UBR1: variants seen among roughly 807,000 people sequenced by gnomAD.
UBR1 encodes ubiquitin protein ligase E3 component n-recognin 1.
Under a neutral mutation model 242.1 loss-of-function variants are expected in UBR1, and 102 were observed. The observed-to-expected ratio is 0.42, with a 90% CI of 0.36 to 0.50. UBR1 has a LOEUF of 0.50. UBR1 is among the 20% of genes least tolerant of loss of function. UBR1 has a pLI of 0.01. For missense variants in UBR1, 1,772 were observed against 2,101.8 expected (o/e 0.84, Z 3.07); for synonymous variants, 675 against 684.8 (o/e 0.99, Z 0.22).
chr15:42,981,405 T>C (rs114966788), intron 37 of UBR1, among the ~76,000 whole-genome samples: 2 of 152,210 alleles, frequency 1.3e-5, no homozygotes, highest in African/African-American at 4.8e-5. Flanking sequence ...ATCTATTATG[T>C]GTACTCCCTT....
At position 43,065,134 on chromosome 15, in the gene UBR1, C is replaced by T. The variant is rs1000111585; in HGVS notation, c.798+2764G>A. On this transcript the variant is annotated intron_variant, in intron 6 of 46. Transcript: ENST00000290650. The stretch of plus-strand genomic sequence containing the variant: ...TTAACCTTTAAAGTTCCTTCTATGA[C>T]CTATAAGTAAAATGTAGCAATAGTA... Among the ~76,000 whole-genome samples, 5 of 152,232 alleles carry T rather than the reference C, an allele frequency of 3.3e-5. No homozygotes were observed. The East Asian group carries it at 7.7e-4, about 23-fold the overall frequency.
intron 21 of UBR1, 57 bp from the exon 22 acceptor site, chr15:43,027,885 G>T: frequency 7.4e-7 from 1 of 1,350,210 alleles, no homozygotes. Context: ...CCACCTCTCT[G>T]TGAAGTGAAA....
intron 44 of UBR1, 56 bp from the exon 45 acceptor site, chr15:42,952,504 A>T: frequency 6.4e-7 from 1 of 1,572,622 alleles, no homozygotes; most frequent in Middle Eastern, 1.7e-4. Context: ...AAAACAAATA[A>T]GTACCATATA....
Position 42,988,848 on chromosome 15 carries a change from C to T in UBR1, c.3968G>A (p.Ser1323Asn). The change falls in exon 35 of 47, where the codon AGC becomes AAC. Residue 1323 changes from serine (S) to asparagine (N), a missense_variant. By Grantham distance (46) the Ser-to-Asn change is conservative. Transcript: ENST00000290650. ...TGCCTGGATAGTGAAAGCGCAGGTGCTCCAGGTCAGCATGGGGACTCGAGG... is the reference window on the plus strand; with the variant it reads ...TGCCTGGATAGTGAAAGCGCAGGTGTTCCAGGTCAGCATGGGGACTCGAGG... ...RDPRVPMLTWSTCAFTIQAIE... is the reference protein window; with the variant it reads ...RDPRVPMLTWNTCAFTIQAIE... The T allele has an allele frequency of 1.9e-6, 3 of 1,614,210 alleles. No individual in the cohort carries two copies. Among genetic ancestry groups the T allele is most frequent in the Non-Finnish European group, 2.5e-6 (3 of 1,180,048 alleles).
chr15:43,056,266 AT>A (rs1335320148), intron 11 of UBR1, 77 bp downstream of exon 11: 1 of 1,113,802 alleles, frequency 9.0e-7, no homozygotes, highest in African/African-American at 1.5e-5. Flanking sequence ...TTCTAATTTG[AT>A]TCAACATTAA....
chr15:42,986,497 C>T (rs991588434), intron 35 of UBR1, among the ~76,000 whole-genome samples: 6 of 152,108 alleles, frequency 3.9e-5, no homozygotes, highest in Non-Finnish European at 7.4e-5. Context: ...CTTATCTTCC[C>T]CAAAATAGTA....
At chr15:43,081,031 T>C (rs1663465486) in intron 3 of UBR1, among the ~76,000 whole-genome samples, 1 of 152,234 alleles carries the variant, frequency 6.6e-6, no homozygotes, top group South Asian at 2.1e-4. Context: ...AGGAGTGCTG[T>C]TGTTGGATCA....
At chr15:42,960,545 A>C in intron 43 of UBR1, 100 bp downstream of exon 43, 1 of 1,181,330 alleles carries the variant, frequency 8.5e-7, no homozygotes, top group Non-Finnish European at 1.3e-6. Context: ...GTACTGAGTG[A>C]GAATGAAGAA....
chr15:43,098,453 A>G (rs1244732062), intron 1 of UBR1, among the ~76,000 whole-genome samples: 1 of 152,206 alleles, frequency 6.6e-6, no homozygotes, highest in Non-Finnish European at 1.5e-5. Flanking sequence ...TTTGTAAAGA[A>G]CTGATTATCT....
At chr15:43,014,910 C>G in intron 29 of UBR1, among the ~76,000 whole-genome samples, 1 of 151,328 alleles carries the variant, frequency 6.6e-6, no homozygotes, top group East Asian at 2.0e-4. Flanking sequence ...GGCCAGCCAC[C>G]CCGTCCGGGA....
chr15:43,100,623 T>A (rs2034220539), intron 1 of UBR1, among the ~76,000 whole-genome samples: 1 of 151,950 alleles, frequency 6.6e-6, no homozygotes, highest in Admixed American at 6.6e-5. Context: ...GATCATGAGG[T>A]CAAGAGATCG....
At chr15:43,008,238 T>C (rs1449844923) in intron 29 of UBR1, among the ~76,000 whole-genome samples, 1 of 152,210 alleles carries the variant, frequency 6.6e-6, no homozygotes, top group Non-Finnish European at 1.5e-5. Flanking sequence ...CCCTTCCAAG[T>C]TTGCAGGGCA....
chr15:43,098,380 A>G (rs1287710982), intron 1 of UBR1, among the ~76,000 whole-genome samples: 2 of 152,238 alleles, frequency 1.3e-5, no homozygotes, highest in Admixed American at 6.5e-5. Context: ...CGAAGTGAGC[A>G]CACAATGTTG....
intron 15 of UBR1, among the ~76,000 whole-genome samples, chr15:43,041,477 C>T (rs533038998): frequency 1.3e-5 from 2 of 151,956 alleles, no homozygotes; most frequent in Non-Finnish European, 2.9e-5. Flanking sequence ...TGTATAGGGA[C>T]CCCCCTATAC....
intron 19 of UBR1, among the ~76,000 whole-genome samples, chr15:43,035,059 T>C (rs974380492): frequency 2.6e-5 from 4 of 152,172 alleles, no homozygotes; most frequent in African/African-American, 9.7e-5. Context: ...CTTTAAAGTA[T>C]AATGCATCAT....
chr15:43,050,197 C>T (rs2033537109), intron 12 of UBR1, among the ~76,000 whole-genome samples: 1 of 152,142 alleles, frequency 6.6e-6, no homozygotes, highest in African/African-American at 2.4e-5. Flanking sequence ...AATCCTCCTG[C>T]CTCAGCCTTC....
chr15:43,105,481 A>AAG (rs773161451), intron 1 of UBR1, among the ~76,000 whole-genome samples: 8 of 152,166 alleles, frequency 5.3e-5, no homozygotes, highest in Non-Finnish European at 8.8e-5. Context: ...AAGGACAATT[A>AAG]CTACACCTCA....
At chr15:42,983,842 A>C (rs1195238140) in intron 37 of UBR1, 55 bp downstream of exon 37, 1 of 1,087,760 alleles carries the variant, frequency 9.2e-7, no homozygotes, top group Non-Finnish European at 1.2e-6. Context: ...GAAATGCAAT[A>C]GAAAAAGATA....
At chr15:42,950,221 G>T in intron 46 of UBR1, 41 bp downstream of exon 46, 1 of 1,476,114 alleles carries the variant, frequency 6.8e-7, no homozygotes, top group South Asian at 1.1e-5. Context: ...ACATAAAAGA[G>T]AACTTACTGA....
Sources: allele counts gnomAD v4.1 joint callset (sites outside exome capture counted in the v4.1 genomes callset), GRCh38; gene constraint gnomAD v4.1.1; transcripts MANE v1.5; gene names NCBI Gene and HGNC (gene_info 2026-07-23, HGNC 2026-07-21).